ITFG2: variants seen among roughly 807,000 people sequenced by gnomAD.
The protein encoded by ITFG2 is KICSTOR complex protein ITFG2.
Under a neutral mutation model 54.4 loss-of-function variants are expected in ITFG2, and 36 were observed. The ratio of observed to expected loss-of-function variants is 0.66; its 90% CI spans 0.51 to 0.87. The LOEUF (loss-of-function observed/expected upper bound fraction) is 0.87, where lower values mean the gene tolerates loss of function less well. ITFG2 is among the 40% of genes least tolerant of loss of function. The pLI is 0.00. For synonymous variants in ITFG2, 211 were observed against 225.4 expected, an observed-to-expected ratio of 0.94 and a Z score of 0.57; for missense variants, 524 against 576.7, an observed-to-expected ratio of 0.91 and a Z score of 0.94.
At chr12:2,849,392 T>C (rs1261773206) in intron 2 of ITFG2, 1 of 1,536,038 alleles carries the variant, frequency 6.5e-7, no homozygotes, top group Non-Finnish European at 8.7e-7. Context: ...AAGGCCAGCT[T>C]TAGCACCTTC....
At chr12:2,833,688 G>T (rs746064807), upstream of ITFG2, among the ~76,000 whole-genome samples, 4 of 152,128 alleles carry the variant, frequency 2.6e-5, no homozygotes, top group Non-Finnish European at 5.9e-5. Context: ...CGGGTCAGAG[G>T]CCAGGAATAT....
At chr12:2,854,310 C>T (rs2098080544) in intron 2 of ITFG2, among the ~76,000 whole-genome samples, 2 of 152,232 alleles carry the variant, frequency 1.3e-5, no homozygotes, top group Admixed American at 6.5e-5. Context: ...CAGGCGTGAG[C>T]CACCACGCCC....
At chr12:2,849,232 T>C (rs1339323685) in intron 2 of ITFG2, 21 of 1,535,148 alleles carry the variant, frequency 1.4e-5, no homozygotes, top group Non-Finnish European at 1.7e-5. Context: ...GAAGCCCTTC[T>C]AGAAGTGTCC....
At chr12:2,823,038 C>T (rs1482503197) in intron 10 of ITFG2, 127 bp downstream of exon 10, 1 of 707,912 alleles carries the variant, frequency 1.4e-6, no homozygotes, top group Non-Finnish European at 2.5e-6. Flanking sequence ...TCTTCATTCA[C>T]CAGTGAGTTC....
chr12:2,828,085 C>T (rs751093249), downstream of ITFG2: 11 of 1,563,550 alleles, frequency 7.0e-6, no homozygotes, highest in Non-Finnish European at 9.6e-6. Flanking sequence ...TACCACAGCC[C>T]CTAGAGGGTT....
At chr12:2,854,911 G>T in intron 2 of ITFG2, 1 of 1,534,674 alleles carries the variant, frequency 6.5e-7, no homozygotes, top group South Asian at 1.2e-5. Context: ...GAAGCTCGCT[G>T]GCGGCTGGAT....
Position 2,857,079 on chromosome 12 carries a change from G to A in ITFG2, n.301-933G>A, listed in dbSNP as rs28919879. 2,512 of 702,738 alleles carry A rather than the reference G, an allele frequency of 3.6e-3. 8 individuals carry two copies. The highest frequency in any genetic ancestry group is 6.0e-3 in the Middle Eastern group (26 of 4,364). 43.5% of individuals were successfully genotyped at this position (702,738 alleles called of 1,614,324 possible). A position where few individuals can be genotyped will look rare whatever the true frequency, so the allele number is the denominator to read the frequency against. On this transcript the variant is annotated intron_variant and non_coding_transcript_variant, in intron 2 of 3. Coordinates refer to the ITFG2 transcript ENST00000537710. ...CGGCTTTGTGGGGAAGCCCTTTCTG[G>A]CACCATTGTTTACTCCTGGGGTTGC...
Position 2,821,345 on chromosome 12 carries a change from G to A in ITFG2, c.779G>A (p.Gly260Asp). Residue 260 changes from glycine (G) to aspartate (D), a missense_variant, in exon 7 of 12, where the codon GGC becomes GAC. Coordinates refer to ENST00000228799, the MANE Select transcript of ITFG2 (RefSeq NM_018463.4). ...HNKNVSTHLI[G>D]NIKQGHGTES... ...AAGAATGTCTCCACTCACCTAATTG[G>A]CAACATCAAACAAGGTGAAAGTGTG... The A allele has an allele frequency of 6.2e-7, 1 of 1,607,990 alleles. No homozygotes were observed. Among genetic ancestry groups the A allele is most frequent in the Non-Finnish European group, 8.5e-7 (1 of 1,177,016 alleles).
At chr12:2,849,106 G>T (rs1384684398) in intron 2 of ITFG2, 6 of 972,492 alleles carry the variant, frequency 6.2e-6, no homozygotes, top group Non-Finnish European at 8.9e-6. Flanking sequence ...GAGGATGGTG[G>T]AGAGGCTGTT....
At chr12:2,849,997 C>T (rs544837421) in intron 2 of ITFG2, among the ~76,000 whole-genome samples, 1 of 152,170 alleles carries the variant, frequency 6.6e-6, no homozygotes, top group African/African-American at 2.4e-5. Context: ...TTCTATGACT[C>T]AGCGCACTTT....
chr12:2,843,998 G>A lies in ITFG2; in HGVS notation n.300+3003G>A, dbSNP rs1199480665. The stretch of plus-strand genomic sequence containing the variant: ...AACTAGGCCAGGCATGGTGGCTCAC[G>A]CCTGTAATCCCAGGACTTTGGGAGG... On this transcript the variant is annotated intron_variant and non_coding_transcript_variant, in intron 2 of 3. Transcript: ENST00000537710. Among the ~76,000 whole-genome samples the A allele has an allele frequency of 5.4e-5, 8 of 148,818 alleles. 3 individuals carry two copies.
Position 2,824,379 on chromosome 12 carries a change from A to C in ITFG2, c.*186A>C, listed in dbSNP as rs367816207. On this transcript the variant is annotated 3_prime_UTR_variant, in exon 12 of 12. Coordinates refer to ENST00000228799, the MANE Select transcript of ITFG2 (RefSeq NM_018463.4). ...TAGACCTCGCAGTCTTTTCGGTGAA[A>C]GAAGAGACAAGTTGACCCTCTGCCC... 6.3e-5 allele frequency: 44 copies of C among 697,760 alleles called. No homozygotes were observed. In the East Asian group the frequency reaches 1.2e-3, roughly 19 times the overall value. 43.2% of individuals were successfully genotyped at this position (697,760 alleles called of 1,614,324 possible).
chr12:2,824,559 A>C lies in ITFG2; in HGVS notation c.*366A>C, dbSNP rs1367491907. ...AACACCCATAAGGAAACCAGGCTTT[A>C]GGCCCAGGGGAGCAGTGGAGGTAAG... On this transcript the variant is annotated 3_prime_UTR_variant, in exon 12 of 12. Coordinates refer to ENST00000228799, the MANE Select transcript of ITFG2 (RefSeq NM_018463.4). The C allele has an allele frequency of 3.3e-6, 1 of 304,568 alleles. No homozygotes were observed. Among genetic ancestry groups the C allele is most frequent in the Non-Finnish European group, 6.4e-6 (1 of 155,772 alleles). 18.9% of individuals were successfully genotyped at this position (304,568 alleles called of 1,614,324 possible).
At chr12:2,838,458 A>G (rs965047322) in intron 1 of ITFG2, among the ~76,000 whole-genome samples, 2 of 152,168 alleles carry the variant, frequency 1.3e-5, no homozygotes, top group African/African-American at 4.8e-5. Flanking sequence ...TCAGGTCTGT[A>G]CACTGCACTC....
chr12:2,854,848 C>T, intron 2 of ITFG2: 1 of 1,485,836 alleles, frequency 6.7e-7, no homozygotes, highest in Non-Finnish European at 8.9e-7. Context: ...GGAGGGGTCA[C>T]CTGGGCAGGG....
chr12:2,840,522 C>T (rs2098038597), intron 1 of ITFG2, among the ~76,000 whole-genome samples: 1 of 151,526 alleles, frequency 6.6e-6, no homozygotes, highest in East Asian at 1.9e-4. Flanking sequence ...TTCTAAATAT[C>T]ATGCCTGTAA....
downstream of ITFG2, chr12:2,828,123 C>A (rs547965367): frequency 1.8e-5 from 26 of 1,409,656 alleles, no homozygotes; most frequent in South Asian, 3.0e-4. Context: ...AGGTGTCCCT[C>A]TCTACTATGG....
intron 2 of ITFG2, among the ~76,000 whole-genome samples, chr12:2,854,391 G>T (rs1337462374): frequency 6.6e-6 from 1 of 152,204 alleles, no homozygotes; most frequent in Non-Finnish European, 1.5e-5. Context: ...CCACAGTGAG[G>T]TCGGTACCTG....
intron 2 of ITFG2, among the ~76,000 whole-genome samples, chr12:2,852,477 C>T (rs2098074214): frequency 6.6e-6 from 1 of 152,144 alleles, no homozygotes; most frequent in South Asian, 2.1e-4. Flanking sequence ...GACAGTCCTC[C>T]CACTTCAGCC....
Sources: gnomAD v4.1 joint callset for allele counts (sites outside exome capture counted in the v4.1 genomes callset) on GRCh38, gnomAD v4.1.1 for gene constraint, MANE v1.5 for transcripts, NCBI Gene and HGNC (gene_info 2026-07-23, HGNC 2026-07-21) for gene names.